POLB: variants seen among roughly 807,000 people sequenced by gnomAD.
POLB encodes 5'-dRP lyase.
A neutral mutation model predicts 52.7 loss-of-function variants in POLB; 37 were observed. That is an observed-to-expected ratio of 0.70 (90% CI 0.54 to 0.92). The LOEUF (loss-of-function observed/expected upper bound fraction) is 0.92, where lower values mean the gene tolerates loss of function less well. Among genes scored for constraint, POLB ranks in the 40% least tolerant of loss-of-function variants. POLB has a pLI of 0.00. For missense variants in POLB, 313 were observed against 400.8 expected (o/e 0.78, Z 1.87); for synonymous variants, 138 against 131.3 (o/e 1.05, Z -0.35).
chr8:42,369,291 TAA>T lies in POLB; in HGVS notation c.733_734del (p.Asn245Ter). ...TTTAGGGTGTTTGCCAGCTTCCCAG[TAA>T]AAATGATGAAAAAGAATATCCACAC... ...KFMGVCQLPS[K>X]NDEKEYPHRR... On this transcript the variant is annotated frameshift_variant, in exon 12 of 14. Transcript: ENST00000265421. LOFTEE classifies it high-confidence loss of function. 1 of 1,588,616 alleles carries T rather than the reference TAA, an allele frequency of 6.3e-7. No homozygotes were observed. Among genetic ancestry groups the T allele is most frequent in the African/African-American group, 1.3e-5 (1 of 74,402 alleles).
intron 5 of POLB, among the ~76,000 whole-genome samples, chr8:42,350,435 C>G (rs1293567103): frequency 1.3e-5 from 2 of 152,090 alleles, no homozygotes; most frequent in Non-Finnish European, 2.9e-5. Context: ...TTGGAACAAG[C>G]CCTCAAGCTT....
chr8:42,350,824 T>G (rs1284202102), intron 5 of POLB, among the ~76,000 whole-genome samples: 4 of 152,002 alleles, frequency 2.6e-5, no homozygotes, highest in Admixed American at 1.3e-4. Context: ...AAATGACTGC[T>G]TGGGGACTCA....
At chr8:42,340,899 G>A (rs1822160098) in intron 2 of POLB, among the ~76,000 whole-genome samples, 1 of 152,128 alleles carries the variant, frequency 6.6e-6, no homozygotes, top group Non-Finnish European at 1.5e-5. Flanking sequence ...TATTCTATTT[G>A]GATCACAGCA....
At position 42,338,529 on chromosome 8, in the gene POLB, C is replaced by CT; in HGVS notation, c.-95dup. ...CGGTCGCGCCGGAGCTGGGTTGCTC[C>CT]TGCTCCCGTCTCCAAGTCCTGGTAC... On this transcript the variant is annotated 5_prime_UTR_variant, in exon 1 of 14. Coordinates refer to ENST00000265421, the MANE Select transcript of POLB (RefSeq NM_002690.3). 8.9e-7 allele frequency: 1 copy of CT among 1,127,334 alleles called. No individual in the cohort carries two copies. Among genetic ancestry groups the CT allele is most frequent in the Non-Finnish European group, 1.4e-6 (1 of 740,178 alleles). 69.8% of individuals were successfully genotyped at this position (1,127,334 alleles called of 1,614,324 possible). A position where few individuals can be genotyped will look rare whatever the true frequency, so the allele number is the denominator to read the frequency against.
intron 13 of POLB, 91 bp downstream of exon 13, chr8:42,370,079 C>A: frequency 2.1e-6 from 2 of 945,498 alleles, no homozygotes; most frequent in Non-Finnish European, 3.4e-6. Context: ...CTTCTAATAA[C>A]TATGCCAGTT....
intron 5 of POLB, among the ~76,000 whole-genome samples, 174 bp from the exon 6 acceptor site, chr8:42,352,345 A>T (rs532301781): frequency 3.9e-5 from 6 of 152,340 alleles, no homozygotes; most frequent in Non-Finnish European, 8.8e-5. Flanking sequence ...CTTCCTAATG[A>T]TTGAAGCTTC....
At chr8:42,352,489 A>G in intron 5 of POLB, 30 bp from the exon 6 acceptor site, 1 of 1,493,670 alleles carries the variant, frequency 6.7e-7, no homozygotes, top group Non-Finnish European at 9.3e-7. Flanking sequence ...AGTTTCACCC[A>G]ATGTTGAGAT....
At chr8:42,344,000 G>T (rs1349276329) in intron 2 of POLB, among the ~76,000 whole-genome samples, 1 of 151,636 alleles carries the variant, frequency 6.6e-6, no homozygotes, top group Non-Finnish European at 1.5e-5. Flanking sequence ...ATGTGGTGGC[G>T]CATGCCTGTA....
chr8:42,361,271 CAT>C, intron 9 of POLB, 22 bp from the exon 10 acceptor site: 1 of 1,566,108 alleles, frequency 6.4e-7, no homozygotes, highest in Non-Finnish European at 8.8e-7. Flanking sequence ...TGGACAATCT[CAT>C]ATGTGTCTTC....
intron 9 of POLB, 83 bp from the exon 10 acceptor site, chr8:42,361,212 T>G (rs779612885): frequency 9.9e-6 from 9 of 905,548 alleles, no homozygotes; most frequent in Non-Finnish European, 1.7e-5. Flanking sequence ...AGTAAGGCTC[T>G]TCTGTGTGTC....
chr8:42,354,467 TC>T, intron 6 of POLB: 2 of 1,284,318 alleles, frequency 1.6e-6, no homozygotes, highest in Non-Finnish European at 2.0e-6. Context: ...TGGAACTGAG[TC>T]ACTTTTAGAC....
At chr8:42,354,360 AG>A (rs1823168364) in intron 6 of POLB, 2 of 654,176 alleles carry the variant, frequency 3.1e-6, no homozygotes, top group Non-Finnish European at 4.9e-6. Flanking sequence ...TGTGGCTATA[AG>A]GGGGCTTGTA....
At chr8:42,367,879 G>A (rs939958433) in intron 11 of POLB, among the ~76,000 whole-genome samples, 3 of 152,160 alleles carry the variant, frequency 2.0e-5, no homozygotes, top group African/African-American at 7.2e-5. Flanking sequence ...TTTTGTGCAA[G>A]TTTGGCCTTG....
At chr8:42,345,886 T>C (rs886781428) in intron 3 of POLB, among the ~76,000 whole-genome samples, 2 of 152,226 alleles carry the variant, frequency 1.3e-5, no homozygotes, top group Non-Finnish European at 2.9e-5. Context: ...CCATATCTTA[T>C]TCATCTTTTG....
intron 9 of POLB, chr8:42,360,949 T>C (rs3136766): frequency 0.034 from 12,780 of 372,840 alleles, 301 homozygotes; most frequent in Middle Eastern, 0.044. Context: ...TTTTTACATA[T>C]AGAGTTGTTC....
chr8:42,363,824 CTT>C (rs1292138970), intron 11 of POLB, among the ~76,000 whole-genome samples: 1 of 151,448 alleles, frequency 6.6e-6, no homozygotes, highest in Non-Finnish European at 1.5e-5. Flanking sequence ...GGAATTAAGA[CTT>C]AATAATTCAA....
intron 11 of POLB, among the ~76,000 whole-genome samples, chr8:42,363,401 G>T (rs28587360): frequency 2.0e-5 from 3 of 151,254 alleles, no homozygotes; most frequent in East Asian, 1.9e-4. Context: ...GGTGGTGTGC[G>T]CCTGTAGTCC....
At chr8:42,339,740 CT>C (rs1009729732) in intron 2 of POLB, 67 of 142,570 alleles carry the variant, frequency 4.7e-4, no homozygotes, top group Admixed American at 4.9e-4. Flanking sequence ...CTTTTTTTTT[CT>C]TTTTTTTTTT....
chr8:42,338,510 CG>C lies in POLB; in HGVS notation c.-114del. The C allele has an allele frequency of 1.1e-6, 1 of 895,214 alleles. No individual in the cohort carries two copies. Among genetic ancestry groups the C allele is most frequent in the Non-Finnish European group, 1.8e-6 (1 of 541,420 alleles). 55.5% of individuals were successfully genotyped at this position (895,214 alleles called of 1,614,324 possible). A position where few individuals can be genotyped will look rare whatever the true frequency, so the allele number is the denominator to read the frequency against. On this transcript the variant is annotated 5_prime_UTR_variant, in exon 1 of 14. Transcript: ENST00000265421. ...GGGGCAACCATTGTTCCGCCGGTCGCGCCGGAGCTGGGTTGCTCCTGCTCCC... is the reference window on the plus strand; with the variant it reads ...GGGGCAACCATTGTTCCGCCGGTCGCCCGGAGCTGGGTTGCTCCTGCTCCC...
Sources: gnomAD v4.1 joint callset for allele counts (sites outside exome capture counted in the v4.1 genomes callset) on GRCh38, gnomAD v4.1.1 for gene constraint, MANE v1.5 for transcripts, NCBI Gene and HGNC (gene_info 2026-07-23, HGNC 2026-07-21) for gene names.